Variants in GPR39 observed in about 807,000 individuals in gnomAD.
GPR39 encodes the protein zinc sensing receptor.
Under a neutral mutation model 18.4 loss-of-function variants are expected in GPR39, and 23 were observed. That is an observed-to-expected ratio of 1.25 (90% CI 0.90 to 1.77). GPR39 has a LOEUF of 1.77. Ranked by LOEUF, GPR39 falls within the 40% of genes most tolerant of loss-of-function variation. GPR39 has a pLI of 0.00. For missense variants in GPR39, 647 were observed against 602.4 expected (o/e 1.07, Z -0.78); for synonymous variants, 280 against 257.9 (o/e 1.09, Z -0.82).
At chr2:132,544,783 G>T (rs1679913585) in intron 1 of GPR39, among the ~76,000 whole-genome samples, 1 of 152,140 alleles carries the variant, frequency 6.6e-6, no homozygotes, top group African/African-American at 2.4e-5. Context: ...GGTGAGAAGG[G>T]CAGAGGACAG....
At chr2:132,545,444 A>G (rs1183772286) in intron 1 of GPR39, among the ~76,000 whole-genome samples, 1 of 152,152 alleles carries the variant, frequency 6.6e-6, no homozygotes. Flanking sequence ...TGGTGCTTGA[A>G]CACACTAGTA....
intron 1 of GPR39, among the ~76,000 whole-genome samples, chr2:132,632,532 A>G (rs1481558870): frequency 6.6e-6 from 1 of 152,176 alleles, no homozygotes. Flanking sequence ...CTTTCCAGAC[A>G]AAGCAGCTGG....
intron 1 of GPR39, among the ~76,000 whole-genome samples, chr2:132,539,991 C>A (rs1242401151): frequency 6.6e-6 from 1 of 152,136 alleles, no homozygotes; most frequent in Non-Finnish European, 1.5e-5. Context: ...AAAATAATAT[C>A]TTCCATCTGC....
chr2:132,581,945 CA>C (rs374747363), intron 1 of GPR39, among the ~76,000 whole-genome samples: 11 of 147,802 alleles, frequency 7.4e-5, no homozygotes, highest in Admixed American at 1.3e-4. Context: ...GCAGATGTTT[CA>C]AAAAAAAAAG....
At chr2:132,517,778 A>T (rs969809522) in intron 1 of GPR39, among the ~76,000 whole-genome samples, 2 of 152,340 alleles carry the variant, frequency 1.3e-5, no homozygotes, top group East Asian at 3.9e-4. Context: ...TCTTGCCAGG[A>T]TTCTTGGAAA....
At chr2:132,534,007 T>A (rs936804747) in intron 1 of GPR39, among the ~76,000 whole-genome samples, 2 of 152,154 alleles carry the variant, frequency 1.3e-5, no homozygotes, top group Non-Finnish European at 2.9e-5. Context: ...CTAATTAAAC[T>A]AAAGAGCTTC....
chr2:132,482,852 C>A (rs975126593), intron 1 of GPR39, among the ~76,000 whole-genome samples: 1 of 152,176 alleles, frequency 6.6e-6, no homozygotes, highest in Non-Finnish European at 1.5e-5. Context: ...TAAATTGAAC[C>A]TTACCCATGT....
intron 1 of GPR39, among the ~76,000 whole-genome samples, chr2:132,501,054 G>GTTTTTTTTTTTTTTTT (rs55720929): frequency 6.6e-5 from 6 of 90,320 alleles, no homozygotes; most frequent in East Asian, 8.5e-4. Context: ...TATCTTTTGT[G>GTTTTTTTTTTTTTTTT]TTTTTTTTTT....
At chr2:132,616,749 G>C (rs1207533261) in intron 1 of GPR39, among the ~76,000 whole-genome samples, 1 of 152,150 alleles carries the variant, frequency 6.6e-6, no homozygotes, top group African/African-American at 2.4e-5. Flanking sequence ...TGTTTTAATG[G>C]AGCCATGCAT....
At chr2:132,459,265 T>A (rs1197971787) in intron 1 of GPR39, among the ~76,000 whole-genome samples, 1 of 152,236 alleles carries the variant, frequency 6.6e-6, no homozygotes, top group East Asian at 1.9e-4. Flanking sequence ...GATTGAATGT[T>A]AGTCATGTGC....
intron 1 of GPR39, among the ~76,000 whole-genome samples, chr2:132,608,888 G>C (rs762890020): frequency 6.6e-6 from 1 of 152,192 alleles, no homozygotes; most frequent in Non-Finnish European, 1.5e-5. Flanking sequence ...GAGGGCCTCA[G>C]TGAGGATCTG....
chr2:132,464,057 A>G (rs77012603), intron 1 of GPR39, among the ~76,000 whole-genome samples: 2,384 of 152,304 alleles, frequency 0.016, 56 homozygotes, highest in East Asian at 0.083. Flanking sequence ...GCCACATTCT[A>G]TTGGTCACAG....
chr2:132,625,228 A>G (rs1327833029), intron 1 of GPR39, among the ~76,000 whole-genome samples: 1 of 152,052 alleles, frequency 6.6e-6, no homozygotes, highest in East Asian at 1.9e-4. Flanking sequence ...CAGTTATGTG[A>G]TGACTCCTGA....
intron 1 of GPR39, among the ~76,000 whole-genome samples, chr2:132,631,827 T>C (rs560943214): frequency 1.5e-3 from 230 of 151,422 alleles, no homozygotes; most frequent in African/African-American, 4.6e-3. Context: ...TCTTCTTCTT[T>C]TTTTTTTTTT....
At chr2:132,551,111 GGA>G (rs2104794760) in intron 1 of GPR39, among the ~76,000 whole-genome samples, 1 of 152,276 alleles carries the variant, frequency 6.6e-6, no homozygotes, top group South Asian at 2.1e-4. Flanking sequence ...TCTGGAAGTA[GGA>G]GAGTTTGGCT....
At chr2:132,504,185 C>T (rs1200084672) in intron 1 of GPR39, among the ~76,000 whole-genome samples, 1 of 152,130 alleles carries the variant, frequency 6.6e-6, no homozygotes, top group Non-Finnish European at 1.5e-5. Context: ...CCACATGCTA[C>T]TCTGTCTGTC....
At chr2:132,637,759 A>C (rs1478463527) in intron 1 of GPR39, among the ~76,000 whole-genome samples, 8 of 152,198 alleles carry the variant, frequency 5.3e-5, no homozygotes, top group African/African-American at 1.7e-4. Context: ...TCCATGGTCA[A>C]CTGCATCCCA....
chr2:132,553,654 A>C (rs1211671679), intron 1 of GPR39, among the ~76,000 whole-genome samples: 1 of 152,088 alleles, frequency 6.6e-6, no homozygotes, highest in Non-Finnish European at 1.5e-5. Flanking sequence ...GTGCAGGGGC[A>C]GGCACGGCTG....
At chr2:132,640,168 G>A (rs979810949) in intron 1 of GPR39, among the ~76,000 whole-genome samples, 2 of 152,166 alleles carry the variant, frequency 1.3e-5, no homozygotes, top group East Asian at 1.9e-4. Flanking sequence ...AAAGGTTAGA[G>A]GGGAGAAAAT....
Sources: gnomAD v4.1 joint callset for allele counts (sites outside exome capture counted in the v4.1 genomes callset) on GRCh38, gnomAD v4.1.1 for gene constraint, MANE v1.5 for transcripts, NCBI Gene and HGNC (gene_info 2026-07-23, HGNC 2026-07-21) for gene names.